The following DAB2IP variants were observed in gnomAD, a reference collection of about 807,000 sequenced individuals.
DAB2IP encodes DAB2 interacting protein.
A neutral mutation model predicts 107.2 loss-of-function variants in DAB2IP; 28 were observed. The observed-to-expected ratio is 0.26, with a 90% CI of 0.19 to 0.36. DAB2IP has a LOEUF of 0.36. Among genes scored for constraint, DAB2IP ranks in the 10% least tolerant of loss-of-function variants. The pLI is 1.00. For synonymous variants in DAB2IP, 755 were observed against 706.4 expected, an observed-to-expected ratio of 1.07 and a Z score of -1.09; for missense variants, 1,400 against 1,644.7, an observed-to-expected ratio of 0.85 and a Z score of 2.57.
intron 1 of DAB2IP, among the ~76,000 whole-genome samples, chr9:121,582,646 C>T (rs1378044055): frequency 2.6e-5 from 4 of 152,142 alleles, no homozygotes; most frequent in Non-Finnish European, 5.9e-5. Flanking sequence ...CTGATAGCCC[C>T]CCAATGACCA....
chr9:121,697,009 A>C (rs556137538), intron 2 of DAB2IP, among the ~76,000 whole-genome samples: 1 of 152,342 alleles, frequency 6.6e-6, no homozygotes, highest in East Asian at 1.9e-4. Flanking sequence ...TTAAGGTGAA[A>C]GAGTGAATAT....
intron 1 of DAB2IP, among the ~76,000 whole-genome samples, chr9:121,646,188 C>A (rs532126786): frequency 1.3e-5 from 2 of 152,158 alleles, no homozygotes; most frequent in African/African-American, 2.4e-5. Flanking sequence ...CTGACTGCAC[C>A]GTTTTCTGCA....
At chr9:121,691,994 A>C (rs985160122) in intron 2 of DAB2IP, among the ~76,000 whole-genome samples, 1 of 152,296 alleles carries the variant, frequency 6.6e-6, no homozygotes, top group Non-Finnish European at 1.5e-5. Flanking sequence ...AATTGTCCAA[A>C]GTGAAGCCCT....
intron 1 of DAB2IP, among the ~76,000 whole-genome samples, chr9:121,640,506 C>T (rs1032877112): frequency 3.3e-5 from 5 of 152,142 alleles, no homozygotes; most frequent in Non-Finnish European, 7.4e-5. Context: ...GTTGCCCAAG[C>T]TGCCTCCCTA....
chr9:121,641,970 CTCTTTCTT>C (rs1204457752), intron 1 of DAB2IP, among the ~76,000 whole-genome samples: 1 of 104,476 alleles, frequency 9.6e-6, no homozygotes, highest in Non-Finnish European at 1.9e-5. Flanking sequence ...TTCTCTCTCT[CTCTTTCTT>C]TCTTTCTTTC....
At chr9:121,762,916 C>T (rs1040448082) in intron 6 of DAB2IP, among the ~76,000 whole-genome samples, 4 of 152,184 alleles carry the variant, frequency 2.6e-5, no homozygotes, top group African/African-American at 9.6e-5. Flanking sequence ...GCCAGGTGGG[C>T]AGTGGCGCCT....
chr9:121,641,923 T>TTCTTTC (rs1832314630), intron 1 of DAB2IP, among the ~76,000 whole-genome samples: 1 of 146,720 alleles, frequency 6.8e-6, no homozygotes, highest in Admixed American at 6.8e-5. Flanking sequence ...CTTTCTTTCT[T>TTCTTTC]TCTTTCTTTC....
At chr9:121,764,482 G>A (rs932877143) in intron 8 of DAB2IP, among the ~76,000 whole-genome samples, 7 of 152,250 alleles carry the variant, frequency 4.6e-5, no homozygotes, top group South Asian at 2.1e-4. Context: ...CGGTAAGGCC[G>A]ACTTCACGGC....
chr9:121,641,410 C>T (rs1832281692), intron 1 of DAB2IP, among the ~76,000 whole-genome samples: 2 of 152,194 alleles, frequency 1.3e-5, no homozygotes, highest in Non-Finnish European at 2.9e-5. Flanking sequence ...CTTGCCTCTC[C>T]TCTAACACCA....
At position 121,747,741 on chromosome 9, in the gene DAB2IP, C is replaced by G. The variant is rs1046480575; in HGVS notation, c.363-9272C>G. On this transcript the variant is annotated intron_variant, in intron 3 of 15. Coordinates refer to ENST00000408936, the Ensembl canonical transcript of DAB2IP. ...CTTTGCGGTCCCCAAAGTAATTTGA[C>G]AAGTCTGACAGCTATTGATTAAAAA... Among the ~76,000 whole-genome samples the G allele has an allele frequency of 1.1e-4, 16 of 151,746 alleles. 1 individual carries two copies. Among genetic ancestry groups the G allele is most frequent in the Admixed American group, 1.1e-3 (16 of 15,234 alleles).
At chr9:121,687,486 T>A (rs1047800432) in intron 2 of DAB2IP, among the ~76,000 whole-genome samples, 1 of 152,188 alleles carries the variant, frequency 6.6e-6, no homozygotes, top group Non-Finnish European at 1.5e-5. Context: ...TATAGGCACC[T>A]GTTCCACCTA....
chr9:121,753,820 A>T (rs1589645447), intron 3 of DAB2IP, among the ~76,000 whole-genome samples: 1 of 152,070 alleles, frequency 6.6e-6, no homozygotes. Flanking sequence ...CCCTCCTTTC[A>T]CCTGAGCGTC....
intron 1 of DAB2IP, among the ~76,000 whole-genome samples, chr9:121,591,416 C>T (rs371952000): frequency 4.6e-5 from 7 of 152,192 alleles, no homozygotes; most frequent in African/African-American, 1.7e-4. Flanking sequence ...TTGCAATGAG[C>T]CGAGATCGTG....
intron 1 of DAB2IP, among the ~76,000 whole-genome samples, chr9:121,603,296 G>A (rs532786123): frequency 2.2e-4 from 34 of 152,232 alleles, no homozygotes; most frequent in Non-Finnish European, 4.3e-4. Context: ...GACTCACTAG[G>A]AGAGATACAG....
intron 1 of DAB2IP, among the ~76,000 whole-genome samples, chr9:121,593,754 A>G (rs1001142221): frequency 3.5e-5 from 5 of 142,808 alleles, no homozygotes; most frequent in African/African-American, 1.3e-4. Context: ...TGCAACCTCC[A>G]CCTTCCAGGT....
At chr9:121,568,207 C>G (rs897047177) in intron 1 of DAB2IP, among the ~76,000 whole-genome samples, 6 of 152,306 alleles carry the variant, frequency 3.9e-5, no homozygotes, top group Admixed American at 1.3e-4. Context: ...CCAGGCCTGG[C>G]TGCCTGGCAC....
At chr9:121,780,095 A>G (rs1372351011) in intron 14 of DAB2IP, among the ~76,000 whole-genome samples, 1 of 152,190 alleles carries the variant, frequency 6.6e-6, no homozygotes, top group Non-Finnish European at 1.5e-5. Flanking sequence ...CATGTTACCC[A>G]GGCTGGTCTT....
intron 1 of DAB2IP, among the ~76,000 whole-genome samples, chr9:121,572,790 G>GGC (rs1299023302): frequency 1.1e-4 from 16 of 152,140 alleles, no homozygotes; most frequent in Admixed American, 3.9e-4. Flanking sequence ...AGGAGCGGGG[G>GGC]TTGGGCTCAG....
intron 1 of DAB2IP, among the ~76,000 whole-genome samples, chr9:121,671,745 C>T (rs902132157): frequency 2.0e-5 from 3 of 152,144 alleles, no homozygotes; most frequent in African/African-American, 7.2e-5. Flanking sequence ...AGCTCTAGGT[C>T]CTTTGTAGTG....
Sources: allele counts gnomAD v4.1 joint callset (sites outside exome capture counted in the v4.1 genomes callset), GRCh38; gene constraint gnomAD v4.1.1; transcripts MANE v1.5; gene names NCBI Gene and HGNC (gene_info 2026-07-23, HGNC 2026-07-21).